The following CAST variants were observed in gnomAD, a reference collection of about 807,000 sequenced individuals.
The protein encoded by CAST is MIR583 host.
In CAST, 76 loss-of-function variants were observed where a neutral mutation model predicts 119.6. The observed-to-expected ratio is 0.64, with a 90% CI of 0.53 to 0.77. The LOEUF (loss-of-function observed/expected upper bound fraction) is 0.77. Ranked by LOEUF, CAST falls within the 30% of genes least tolerant of loss-of-function variation. The probability of loss-of-function intolerance (pLI) is 0.00; values close to 1 mark genes in which losing one functional copy is unlikely to be tolerated. For synonymous variants in CAST, 319 were observed against 331.6 expected (o/e 0.96, Z 0.41); for missense variants, 953 against 946.5 (o/e 1.01, Z -0.09).
the CAST span, chr5:96,398,801 T>A: frequency 4.8e-4 from 560 of 1,163,086 alleles, 3 homozygotes; most frequent in African/African-American, 7.7e-3. Context: ...GTTCTATGAA[T>A]AAACAAAAGC....
At chr5:95,993,197 A>T in the CAST span, among the ~76,000 whole-genome samples, 1 of 152,236 alleles carries the variant, frequency 6.6e-6, no homozygotes, top group Admixed American at 6.5e-5. Context: ...AACAAATGAC[A>T]CTAGAACAAT....
At chr5:96,099,066 T>G in the CAST span, among the ~76,000 whole-genome samples, 1 of 152,236 alleles carries the variant, frequency 6.6e-6, no homozygotes, top group African/African-American at 2.4e-5. Flanking sequence ...TTCCTAGGTA[T>G]TTTATTCTTT....
Position 96,621,282 on chromosome 5 carries a change from C to G in CAST, c.61-54257C>G, listed in dbSNP as rs188724330. Among the ~76,000 whole-genome samples, 528 of 152,292 alleles carry G rather than the reference C, an allele frequency of 3.5e-3. 4 individuals carry two copies. Among genetic ancestry groups the G allele is most frequent in the African/African-American group, 0.011 (475 of 41,558 alleles). On this transcript the variant is annotated intron_variant, in intron 1 of 11. Transcript: ENST00000505143. ...ATATCAGTTCAGCTAGGTTCAGCTG[C>G]CCATGTGAGCAAATATAAAATCATA...
the CAST span, among the ~76,000 whole-genome samples, chr5:96,345,029 G>A: frequency 8.5e-5 from 13 of 152,108 alleles, no homozygotes; most frequent in Admixed American, 2.0e-4. Flanking sequence ...GTGTATGAGG[G>A]TAGATATGGA....
chr5:96,366,474 G>A, the CAST span, among the ~76,000 whole-genome samples: 6 of 152,298 alleles, frequency 3.9e-5, no homozygotes, highest in Middle Eastern at 6.8e-3. Flanking sequence ...CCAATGAGAC[G>A]TAGATTTGGT....
At chr5:96,262,532 G>A in the CAST span, among the ~76,000 whole-genome samples, 2 of 151,870 alleles carry the variant, frequency 1.3e-5, no homozygotes, top group African/African-American at 2.4e-5. Flanking sequence ...TTGTTGTTTT[G>A]TTTTTGTTTT....
At chr5:96,138,007 T>G in the CAST span, among the ~76,000 whole-genome samples, 34 of 152,194 alleles carry the variant, frequency 2.2e-4, no homozygotes, top group African/African-American at 7.7e-4. Flanking sequence ...GTCCAACTTA[T>G]GAATTTCTCC....
At chr5:96,665,678 C>A (rs550957133) in intron 1 of CAST, among the ~76,000 whole-genome samples, 1 of 151,984 alleles carries the variant, frequency 6.6e-6, no homozygotes, top group South Asian at 2.1e-4. Flanking sequence ...CAGAGATTTC[C>A]AAAAGACCAC....
At chr5:96,521,063 C>T (rs1226933555), upstream of CAST, among the ~76,000 whole-genome samples, 2 of 152,142 alleles carry the variant, frequency 1.3e-5, no homozygotes, top group Non-Finnish European at 2.9e-5. Flanking sequence ...TCAGGCTGCG[C>T]TAAGCCCAAC....
chr5:96,300,504 T>A, the CAST span, among the ~76,000 whole-genome samples: 1 of 152,180 alleles, frequency 6.6e-6, no homozygotes, highest in Non-Finnish European at 1.5e-5. Context: ...TACTGTTGCT[T>A]TGTAGTACAG....
upstream of CAST, among the ~76,000 whole-genome samples, chr5:96,661,309 C>CAAGTA (rs1748418066): frequency 6.9e-6 from 1 of 145,244 alleles, no homozygotes; most frequent in Non-Finnish European, 1.5e-5. Context: ...CCTGTAGTCC[C>CAAGTA]AAGTACTTAG....
the CAST span, among the ~76,000 whole-genome samples, chr5:96,337,391 AATTAT>A: frequency 6.6e-6 from 1 of 152,222 alleles, no homozygotes; most frequent in African/African-American, 2.4e-5. Context: ...TTATAGGTAA[AATTAT>A]ATTTTATGTA....
At chr5:96,559,226 C>T (rs1193007167) in intron 1 of CAST, among the ~76,000 whole-genome samples, 3 of 152,084 alleles carry the variant, frequency 2.0e-5, no homozygotes, top group South Asian at 2.1e-4. Flanking sequence ...TAAGAGCTGT[C>T]TATGACAAAC....
At chr5:96,215,445 T>C in the CAST span, 1 of 152,224 alleles carries the variant, frequency 6.6e-6, no homozygotes, top group Non-Finnish European at 1.5e-5. Context: ...TTCTTTTACA[T>C]TTTAATATCT....
intron 2 of CAST, among the ~76,000 whole-genome samples, chr5:96,695,284 C>T (rs985835442): frequency 6.6e-6 from 1 of 152,140 alleles, no homozygotes; most frequent in Non-Finnish European, 1.5e-5. Context: ...AGCATTTTAT[C>T]CTATTACTAT....
At chr5:96,171,746 G>A in the CAST span, among the ~76,000 whole-genome samples, 1 of 152,222 alleles carries the variant, frequency 6.6e-6, no homozygotes, top group East Asian at 1.9e-4. Flanking sequence ...GGAGAAAGAG[G>A]TTGAGGGATA....
At chr5:96,692,629 C>T (rs1205477683) in intron 2 of CAST, among the ~76,000 whole-genome samples, 1 of 152,116 alleles carries the variant, frequency 6.6e-6, no homozygotes, top group Non-Finnish European at 1.5e-5. Context: ...TCCCTCATCC[C>T]ATATATACAC....
At chr5:96,121,551 A>G in the CAST span, among the ~76,000 whole-genome samples, 2 of 151,916 alleles carry the variant, frequency 1.3e-5, no homozygotes, top group Non-Finnish European at 2.9e-5. Context: ...AGTTTCAGTG[A>G]GTTTACACAG....
intron 1 of CAST, among the ~76,000 whole-genome samples, chr5:96,563,078 C>G (rs4869145): frequency 0.17 from 25,142 of 152,132 alleles, 2,299 homozygotes; most frequent in East Asian, 0.28. Flanking sequence ...TCTGAAGACA[C>G]AGATATGGCA....
Sources: gnomAD v4.1 joint callset for allele counts (sites outside exome capture counted in the v4.1 genomes callset) on GRCh38, gnomAD v4.1.1 for gene constraint, MANE v1.5 for transcripts, NCBI Gene and HGNC (gene_info 2026-07-23, HGNC 2026-07-21) for gene names.